ALK: variants seen among roughly 807,000 people sequenced by gnomAD.
ALK encodes the protein ALK receptor tyrosine kinase.
In ALK, 74 loss-of-function variants were observed where a neutral mutation model predicts 163.1. The observed-to-expected ratio is 0.45, with a 90% confidence interval of 0.38 to 0.55. ALK has a LOEUF of 0.55. Ranked by LOEUF, ALK falls within the 20% of genes least tolerant of loss-of-function variation. The pLI, the probability that ALK is intolerant of heterozygous loss-of-function variation, is 0.00. For synonymous variants in ALK, 960 were observed against 843.2 expected, an observed-to-expected ratio of 1.14 and a Z score of -2.40; for missense variants, 2,063 against 2,105.3, an observed-to-expected ratio of 0.98 and a Z score of 0.39.
At chr2:29,575,047 G>C (rs754086570) in intron 3 of ALK, among the ~76,000 whole-genome samples, 4 of 152,186 alleles carry the variant, frequency 2.6e-5, no homozygotes, top group Non-Finnish European at 5.9e-5. Context: ...GTCCCTGTGA[G>C]AGCCTCTCTA....
chr2:29,324,829 A>T (rs919276842), intron 6 of ALK, among the ~76,000 whole-genome samples: 2 of 152,146 alleles, frequency 1.3e-5, no homozygotes, highest in African/African-American at 4.8e-5. Flanking sequence ...TGGAGAGGGG[A>T]CCGAGAGTAC....
At chr2:29,872,469 A>G (rs1037139412) in intron 1 of ALK, among the ~76,000 whole-genome samples, 1 of 152,238 alleles carries the variant, frequency 6.6e-6, no homozygotes, top group African/African-American at 2.4e-5. Context: ...AGGTTAGCCT[A>G]GGCTACCTTA....
intron 4 of ALK, among the ~76,000 whole-genome samples, chr2:29,387,548 G>A (rs1669060950): frequency 6.6e-6 from 1 of 152,178 alleles, no homozygotes; most frequent in African/African-American, 2.4e-5. Flanking sequence ...GCTTGGGCAA[G>A]TCCCTGCACC....
At chr2:29,882,295 T>A (rs1666887692) in intron 1 of ALK, among the ~76,000 whole-genome samples, 1 of 152,176 alleles carries the variant, frequency 6.6e-6, no homozygotes. Flanking sequence ...TGCAAACAAG[T>A]CATTTTTCTA....
chr2:29,510,427 A>C (rs1292334407), intron 4 of ALK, among the ~76,000 whole-genome samples: 1 of 151,630 alleles, frequency 6.6e-6, no homozygotes, highest in East Asian at 1.9e-4. Context: ...AAAATAGAAG[A>C]AGCTTGTTTC....
At chr2:29,249,954 C>A (rs533111749) in intron 12 of ALK, among the ~76,000 whole-genome samples, 1 of 152,208 alleles carries the variant, frequency 6.6e-6, no homozygotes, top group South Asian at 2.1e-4. Context: ...GGGCTGTCCC[C>A]GTAACACATT....
chr2:29,789,397 C>T (rs532742619), intron 1 of ALK, among the ~76,000 whole-genome samples: 1 of 152,174 alleles, frequency 6.6e-6, no homozygotes, highest in African/African-American at 2.4e-5. Flanking sequence ...AATCAGCCAA[C>T]CAACCAATTT....
intron 3 of ALK, among the ~76,000 whole-genome samples, chr2:29,689,128 A>T (rs1021589885): frequency 6.7e-6 from 1 of 150,168 alleles, no homozygotes; most frequent in South Asian, 2.1e-4. Context: ...ACCCATACAC[A>T]TGTAGGTGTC....
chr2:29,912,300 C>T (rs943790550), intron 1 of ALK, among the ~76,000 whole-genome samples: 2 of 152,036 alleles, frequency 1.3e-5, no homozygotes, highest in African/African-American at 4.8e-5. Flanking sequence ...AGAGATACAT[C>T]ATAATCAAAT....
At chr2:29,234,551 GC>G (rs1664317658) in intron 13 of ALK, among the ~76,000 whole-genome samples, 3 of 151,968 alleles carry the variant, frequency 2.0e-5, no homozygotes, top group African/African-American at 7.2e-5. Flanking sequence ...CCCTCTGCTT[GC>G]CTTGTAGAGT....
At chr2:29,376,933 AG>A (rs1668766984) in intron 5 of ALK, among the ~76,000 whole-genome samples, 1 of 152,152 alleles carries the variant, frequency 6.6e-6, no homozygotes, top group Non-Finnish European at 1.5e-5. Context: ...AAGGAGAGAG[AG>A]GGGGACAAGG....
At chr2:29,513,034 T>C (rs1467130603) in intron 4 of ALK, among the ~76,000 whole-genome samples, 1 of 151,496 alleles carries the variant, frequency 6.6e-6, no homozygotes, top group Non-Finnish European at 1.5e-5. Flanking sequence ...TCCATGCTCA[T>C]GGGTAGGAAG....
intron 3 of ALK, among the ~76,000 whole-genome samples, chr2:29,610,756 C>T (rs1047334880): frequency 4.6e-5 from 7 of 152,142 alleles, no homozygotes; most frequent in East Asian, 3.9e-4. Flanking sequence ...TCTGGGCATC[C>T]GCATCAAATC....
At chr2:29,490,512 C>G (rs185849281) in intron 4 of ALK, among the ~76,000 whole-genome samples, 1 of 152,158 alleles carries the variant, frequency 6.6e-6, no homozygotes, top group Non-Finnish European at 1.5e-5. Flanking sequence ...TCGTTCCAGC[C>G]TAGAGTCAGA....
At chr2:29,689,889 G>C (rs991192390) in intron 3 of ALK, among the ~76,000 whole-genome samples, 13 of 148,778 alleles carry the variant, frequency 8.7e-5, no homozygotes, top group African/African-American at 3.4e-4. Flanking sequence ...ACATCTACAA[G>C]CTAAGGAATG....
At chr2:29,368,406 A>G (rs1668563214) in intron 5 of ALK, among the ~76,000 whole-genome samples, 1 of 152,222 alleles carries the variant, frequency 6.6e-6, no homozygotes, top group African/African-American at 2.4e-5. Context: ...GGCCCCTCAT[A>G]CGTCAGCGGA....
chr2:29,563,005 T>C (rs1674071295), intron 3 of ALK, among the ~76,000 whole-genome samples: 2 of 152,186 alleles, frequency 1.3e-5, no homozygotes, highest in Non-Finnish European at 2.9e-5. Context: ...AGGCTGTGAA[T>C]TGAAGCTGCT....
chr2:29,583,042 G>GTTTTT (rs34611118), intron 3 of ALK, among the ~76,000 whole-genome samples: 1,726 of 143,654 alleles, frequency 0.012, 42 homozygotes, highest in South Asian at 0.047. Context: ...TTTGTTTTTT[G>GTTTTT]TTTTTTTGTT....
intron 1 of ALK, among the ~76,000 whole-genome samples, chr2:29,737,688 C>A (rs1029124205): frequency 6.6e-6 from 1 of 152,080 alleles, no homozygotes; most frequent in Non-Finnish European, 1.5e-5. Flanking sequence ...TGGTAGGCAT[C>A]TGCCATGAAC....
Sources: allele counts gnomAD v4.1 joint callset (sites outside exome capture counted in the v4.1 genomes callset), GRCh38; gene constraint gnomAD v4.1.1; transcripts MANE v1.5; gene names NCBI Gene and HGNC (gene_info 2026-07-23, HGNC 2026-07-21).